TMEM132D: variants seen among roughly 807,000 people sequenced by gnomAD.
The protein encoded by TMEM132D is transmembrane protein 132D.
A neutral mutation model predicts 62.3 loss-of-function variants in TMEM132D; 21 were observed. The observed-to-expected ratio is 0.34, with a 90% CI of 0.24 to 0.49. TMEM132D has a LOEUF of 0.49. TMEM132D is among the 20% of genes least tolerant of loss of function. The pLI is 0.99. For synonymous variants in TMEM132D, 621 were observed against 575.6 expected, an observed-to-expected ratio of 1.08 and a Z score of -1.13; for missense variants, 1,346 against 1,402.8, an observed-to-expected ratio of 0.96 and a Z score of 0.65.
intron 5 of TMEM132D, among the ~76,000 whole-genome samples, chr12:129,114,603 C>A (rs763505618): frequency 1.3e-5 from 2 of 152,176 alleles, no homozygotes; most frequent in Non-Finnish European, 2.9e-5. Flanking sequence ...AACAAACTTA[C>A]TTCATGCAGA....
intron 4 of TMEM132D, among the ~76,000 whole-genome samples, chr12:129,320,632 T>A (rs1868668562): frequency 6.6e-6 from 1 of 152,290 alleles, no homozygotes; most frequent in African/African-American, 2.4e-5. Flanking sequence ...CATAGATATG[T>A]TTTAAGTATG....
intron 3 of TMEM132D, among the ~76,000 whole-genome samples, chr12:129,458,654 G>A (rs1242703025): frequency 6.6e-6 from 1 of 152,130 alleles, no homozygotes; most frequent in Non-Finnish European, 1.5e-5. Context: ...TGACAGCTAG[G>A]AATTAAATAG....
intron 1 of TMEM132D, among the ~76,000 whole-genome samples, chr12:129,898,790 T>C (rs1875234124): frequency 6.6e-6 from 1 of 152,218 alleles, no homozygotes. Context: ...TTTTCCTCAC[T>C]ACGGTACTCC....
intron 3 of TMEM132D, among the ~76,000 whole-genome samples, chr12:129,419,671 C>G (rs1466204603): frequency 6.6e-6 from 1 of 152,194 alleles, no homozygotes; most frequent in African/African-American, 2.4e-5. Context: ...TTTTCTGCTA[C>G]TTACAATGAA....
At chr12:129,892,727 G>A (rs1044045809) in intron 1 of TMEM132D, among the ~76,000 whole-genome samples, 2 of 152,126 alleles carry the variant, frequency 1.3e-5, no homozygotes, top group Admixed American at 1.3e-4. Context: ...GCTACAAGCA[G>A]CTGTGTTGGA....
intron 2 of TMEM132D, among the ~76,000 whole-genome samples, chr12:129,596,481 G>A (rs1878340878): frequency 6.6e-6 from 1 of 152,070 alleles, no homozygotes; most frequent in Admixed American, 6.6e-5. Context: ...ATTGGTTCCA[G>A]CACGCCCTGC....
intron 1 of TMEM132D, among the ~76,000 whole-genome samples, chr12:129,737,100 G>A (rs572125859): frequency 1.3e-5 from 2 of 152,296 alleles, no homozygotes; most frequent in East Asian, 3.9e-4. Flanking sequence ...ACAGGCATGA[G>A]CCACCGCACC....
chr12:129,440,576 C>T (rs959293614), intron 3 of TMEM132D, among the ~76,000 whole-genome samples: 1 of 152,156 alleles, frequency 6.6e-6, no homozygotes, highest in African/African-American at 2.4e-5. Flanking sequence ...ATAGCATGGG[C>T]ATATCTAAGA....
At chr12:129,227,607 A>T (rs970596135) in intron 4 of TMEM132D, among the ~76,000 whole-genome samples, 4 of 150,176 alleles carry the variant, frequency 2.7e-5, no homozygotes, top group African/African-American at 9.8e-5. Flanking sequence ...ATATATATAT[A>T]TTTTATTATA....
At chr12:129,573,740 G>A (rs971463713) in intron 2 of TMEM132D, among the ~76,000 whole-genome samples, 1 of 152,092 alleles carries the variant, frequency 6.6e-6, no homozygotes. Flanking sequence ...GGCAAGGGCA[G>A]GCACTGAATA....
intron 3 of TMEM132D, chr12:129,522,581 G>A (rs1002476593): frequency 6.6e-5 from 10 of 152,088 alleles, no homozygotes; most frequent in African/African-American, 2.2e-4. Flanking sequence ...ACAGACCCGA[G>A]ACCGTGCGGC....
intron 5 of TMEM132D, among the ~76,000 whole-genome samples, chr12:129,095,282 T>C (rs944559857): frequency 3.3e-5 from 5 of 151,486 alleles, no homozygotes; most frequent in Admixed American, 2.0e-4. Flanking sequence ...AGGGTCTTTA[T>C]AGGGGTGCTT....
In TMEM132D at chr12:129,827,596, T is replaced by G. The variant is rs1872696231; in HGVS notation, c.79+75665A>C. Among the ~76,000 whole-genome samples, 1 of 152,236 alleles carries G rather than the reference T, an allele frequency of 6.6e-6. No homozygotes were observed. The highest frequency in any genetic ancestry group is 1.5e-5 in the Non-Finnish European group (1 of 68,046). On this transcript the variant is annotated intron_variant, in intron 1 of 8. Transcript: ENST00000422113. This position sits in a 1 kb window ranked among gnomAD's most constrained non-coding sequence, Gnocchi z 9.7. ...ACCCACGTTCTGAGCCTGCGGTGTTTCCTGCTGTGGCAGTTCACTAAATTA... is the reference window on the plus strand; with the variant it reads ...ACCCACGTTCTGAGCCTGCGGTGTTGCCTGCTGTGGCAGTTCACTAAATTA...
intron 3 of TMEM132D, among the ~76,000 whole-genome samples, chr12:129,494,038 C>T (rs1217006264): frequency 6.6e-6 from 1 of 152,166 alleles, no homozygotes; most frequent in African/African-American, 2.4e-5. Context: ...CAGTCAGGAG[C>T]TCAGGAGTTC....
chr12:129,589,749 C>T (rs766262401), intron 2 of TMEM132D, among the ~76,000 whole-genome samples: 3 of 152,112 alleles, frequency 2.0e-5, no homozygotes, highest in Admixed American at 6.6e-5. Flanking sequence ...AGTCCCTCGG[C>T]GAGCAGACAG....
chr12:129,855,110 AAC>A (rs1201177360), intron 1 of TMEM132D, among the ~76,000 whole-genome samples: 6 of 130,752 alleles, frequency 4.6e-5, no homozygotes, highest in African/African-American at 1.7e-4. Context: ...AGTCCGGGGG[AAC>A]GGGATGGCTG....
chr12:129,146,104 C>A (rs1165468938), intron 5 of TMEM132D, among the ~76,000 whole-genome samples: 1 of 151,096 alleles, frequency 6.6e-6, no homozygotes, highest in Non-Finnish European at 1.5e-5. Flanking sequence ...GTAGCGAGAA[C>A]TTTTAAGATC....
At chr12:129,284,524 A>T (rs1445872388) in intron 4 of TMEM132D, among the ~76,000 whole-genome samples, 4 of 152,238 alleles carry the variant, frequency 2.6e-5, no homozygotes, top group Admixed American at 2.6e-4. Context: ...GATGGAATGG[A>T]ATATGGATTC....
chr12:129,199,832 G>A (rs1878650057), intron 5 of TMEM132D, among the ~76,000 whole-genome samples: 2 of 152,068 alleles, frequency 1.3e-5, no homozygotes, highest in South Asian at 4.1e-4. Context: ...CCGCCCCCAC[G>A]TTTCAATTAC....
Sources: allele counts gnomAD v4.1 joint callset (sites outside exome capture counted in the v4.1 genomes callset), GRCh38; gene constraint gnomAD v4.1.1; non-coding constraint Gnocchi (gnomAD v3.1); transcripts MANE v1.5; gene names NCBI Gene and HGNC (gene_info 2026-07-23, HGNC 2026-07-21).